RALGPS1: variants seen among roughly 807,000 people sequenced by gnomAD.
RALGPS1 encodes the protein ras-specific guanine nucleotide-releasing factor RalGPS1.
In RALGPS1, 19 loss-of-function variants were observed where a neutral mutation model predicts 78.8. The ratio of observed to expected loss-of-function variants is 0.24; its 90% CI spans 0.17 to 0.35. RALGPS1 has a LOEUF of 0.35. Among genes scored for constraint, RALGPS1 ranks in the 10% least tolerant of loss-of-function variants. The pLI, the probability that RALGPS1 is intolerant of heterozygous loss-of-function variation, is 1.00. For synonymous variants in RALGPS1, 228 were observed against 256.3 expected (o/e 0.89, Z 1.06); for missense variants, 454 against 688.3 (o/e 0.66, Z 3.81).
chr9:127,066,934 C>A (rs924151578), intron 7 of RALGPS1, among the ~76,000 whole-genome samples: 3 of 152,142 alleles, frequency 2.0e-5, no homozygotes, highest in African/African-American at 7.2e-5. Context: ...AGCAATCTTC[C>A]TGCTTCAGTC....
chr9:126,947,852 C>T (rs982579377), intron 1 of RALGPS1, among the ~76,000 whole-genome samples: 2 of 152,176 alleles, frequency 1.3e-5, no homozygotes, highest in Admixed American at 1.3e-4. Context: ...TGCATGGCCC[C>T]TACTATTACT....
At chr9:127,115,991 G>A (rs2055372498) in intron 8 of RALGPS1, among the ~76,000 whole-genome samples, 3 of 152,162 alleles carry the variant, frequency 2.0e-5, no homozygotes, top group Admixed American at 6.5e-5. Context: ...AAGGCACCTG[G>A]GGAGTCTGGA....
rs1395708591 is a variant in RALGPS1, at chr9:127,211,672, C to A, written c.1248-459C>A. ...ATGTGGGGAATGGTGCGTGTGGGCT[C>A]GCGTCCCTCCTGTCCCTCCACACCA... On this transcript the variant is annotated intron_variant, in intron 14 of 18. Transcript: ENST00000259351. The surrounding 1 kb of genome is among the most constrained non-coding windows in gnomAD (Gnocchi z 5.0). 6.6e-6 allele frequency among the ~76,000 whole-genome samples: 1 copy of A among 152,022 alleles called. No individual in the cohort carries two copies. Among genetic ancestry groups the A allele is most frequent in the Non-Finnish European group, 1.5e-5 (1 of 67,974 alleles).
chr9:127,105,697 C>T (rs556801308), intron 8 of RALGPS1, among the ~76,000 whole-genome samples: 6 of 152,278 alleles, frequency 3.9e-5, no homozygotes. Context: ...ACGGATACTC[C>T]CTCCCAGAGA....
intron 7 of RALGPS1, 92 bp from the exon 8 acceptor site, chr9:127,069,138 T>G: frequency 7.8e-7 from 1 of 1,282,462 alleles, no homozygotes. Flanking sequence ...GATATGTCAC[T>G]TAGGATTTTC....
chr9:127,085,906 T>C (rs145136637), intron 8 of RALGPS1, among the ~76,000 whole-genome samples: 2,864 of 152,302 alleles, frequency 0.019, 48 homozygotes, highest in Middle Eastern at 0.027. Context: ...CAGATTCCAC[T>C]GTGATCCCAA....
At position 127,212,484 on chromosome 9, in the gene RALGPS1, G is replaced by T; in HGVS notation, c.1354-143G>T. On this transcript the variant is annotated intron_variant, in intron 15 of 18. Coordinates refer to ENST00000259351, the MANE Select transcript of RALGPS1 (RefSeq NM_014636.3). This position sits in a 1 kb window ranked among gnomAD's most constrained non-coding sequence, Gnocchi z 6.0. ...CCTGTCTTGGTCCTAGGTGGAAGTT[G>T]GCATTGCCAGGGGGTGGTGGAGGGC... The T allele has an allele frequency of 1.5e-6, 1 of 659,106 alleles. No individual in the cohort carries two copies. The highest frequency in any genetic ancestry group is 2.6e-6 in the Non-Finnish European group (1 of 390,656). The allele number at this position is 659,106 out of a possible 1,614,324, so 40.8% of individuals were successfully genotyped here.
At chr9:127,089,160 G>A in intron 8 of RALGPS1, 1 of 1,613,474 alleles carries the variant, frequency 6.2e-7, no homozygotes, top group East Asian at 2.2e-5. Flanking sequence ...AAGGCAGTGA[G>A]AGGGTGTCTG....
chr9:126,977,196 T>C (rs1651272639), intron 3 of RALGPS1, among the ~76,000 whole-genome samples: 2 of 152,222 alleles, frequency 1.3e-5, no homozygotes, highest in Admixed American at 6.5e-5. Flanking sequence ...TGAATAGCAC[T>C]CTACCATATA....
intron 4 of RALGPS1, among the ~76,000 whole-genome samples, chr9:126,981,961 C>T (rs1333380288): frequency 6.6e-6 from 1 of 152,100 alleles, no homozygotes; most frequent in Non-Finnish European, 1.5e-5. Context: ...GGAAAGTCTG[C>T]TTCCAAGGTG....
intron 4 of RALGPS1, among the ~76,000 whole-genome samples, chr9:126,998,556 G>A (rs184393715): frequency 1.3e-3 from 194 of 152,226 alleles, no homozygotes; most frequent in African/African-American, 4.5e-3. Context: ...GGAACACTTT[G>A]ACACTGTTGG....
At chr9:127,170,460 C>T (rs952392296) in intron 10 of RALGPS1, among the ~76,000 whole-genome samples, 3 of 152,146 alleles carry the variant, frequency 2.0e-5, no homozygotes, top group African/African-American at 7.2e-5. Context: ...TGATCTGTTA[C>T]CCAATAGTAA....
chr9:127,098,219 CT>C (rs2136687724), intron 8 of RALGPS1, among the ~76,000 whole-genome samples: 1 of 152,308 alleles, frequency 6.6e-6, no homozygotes, highest in South Asian at 2.1e-4. Flanking sequence ...GAATGGAAAT[CT>C]TTTTTGTCAA....
chr9:127,161,263 C>G (rs201013191), intron 8 of RALGPS1, among the ~76,000 whole-genome samples: 1 of 152,250 alleles, frequency 6.6e-6, no homozygotes, highest in African/African-American at 2.4e-5. Flanking sequence ...TCCTCCCATG[C>G]TGCTGCTTCA....
At chr9:127,147,460 G>C (rs1346864265) in intron 8 of RALGPS1, among the ~76,000 whole-genome samples, 1 of 152,186 alleles carries the variant, frequency 6.6e-6, no homozygotes, top group African/African-American at 2.4e-5. Context: ...CAAGGCTGAC[G>C]TCAAGAAGAG....
chr9:126,937,076 C>G (rs957897211), intron 1 of RALGPS1, among the ~76,000 whole-genome samples: 6 of 152,140 alleles, frequency 3.9e-5, no homozygotes, highest in Non-Finnish European at 8.8e-5. Context: ...TCTTGAACTC[C>G]TGACCTCAGG....
rs569849811 is a variant in RALGPS1, at chr9:126,935,365, C to A, written c.-66+20390C>A. 3.3e-5 allele frequency among the ~76,000 whole-genome samples: 5 copies of A among 152,260 alleles called. No homozygotes were observed. The South Asian group carries it at 1.0e-3, about 32-fold the overall frequency. ...ATCCGTCCCCTTTGTTGCCATGGCG[C>A]CCAGGTCTTGAGCTAACCAGAGAAT... On this transcript the variant is annotated intron_variant, in intron 1 of 18. Transcript: ENST00000259351.
chr9:127,008,997 G>A (rs935729840), intron 4 of RALGPS1, among the ~76,000 whole-genome samples: 2 of 152,140 alleles, frequency 1.3e-5, no homozygotes, highest in Non-Finnish European at 2.9e-5. Context: ...CTTTAGGAAG[G>A]CTTTTTGCTT....
intron 5 of RALGPS1, among the ~76,000 whole-genome samples, chr9:127,049,417 C>T (rs1679144872): frequency 6.6e-6 from 1 of 152,176 alleles, no homozygotes; most frequent in South Asian, 2.1e-4. Flanking sequence ...CCATCATACC[C>T]TTTTTGGTGC....
Sources: gnomAD v4.1 joint callset for allele counts (sites outside exome capture counted in the v4.1 genomes callset) on GRCh38, gnomAD v4.1.1 for gene constraint, Gnocchi (gnomAD v3.1) non-coding constraint, MANE v1.5 for transcripts, NCBI Gene and HGNC (gene_info 2026-07-23, HGNC 2026-07-21) for gene names.